The following CCDC92B variants were observed in gnomAD, a reference collection of about 807,000 sequenced individuals.
The protein encoded by CCDC92B is coiled-coil domain containing 92B.
CCDC92B carries 2 observed loss-of-function variants against 5.6 expected under a neutral mutation model. That is an observed-to-expected ratio of 0.36 (90% CI 0.15 to 1.12). CCDC92B has a LOEUF of 1.12. Ranked by LOEUF, CCDC92B falls within the 50% of genes most tolerant of loss-of-function variation. The pLI is 0.40. For missense variants in CCDC92B, 271 were observed against 262.2 expected (o/e 1.03, Z -0.23); for synonymous variants, 115 against 122.3 (o/e 0.94, Z 0.39).
chr17:2,737,844 C>G (rs1045520035), intron 1 of CCDC92B, among the ~76,000 whole-genome samples: 1 of 151,906 alleles, frequency 6.6e-6, no homozygotes, highest in African/African-American at 2.4e-5. Flanking sequence ...GCTACATGTG[C>G]TGACCATCTG....
chr17:2,728,859 T>C (rs2070765938), intron 3 of CCDC92B, among the ~76,000 whole-genome samples: 1 of 152,198 alleles, frequency 6.6e-6, no homozygotes. Context: ...AGATGGTCTG[T>C]AACTGATCTT....
At chr17:2,741,968 A>G (rs2070932073) in intron 1 of CCDC92B, among the ~76,000 whole-genome samples, 1 of 149,032 alleles carries the variant, frequency 6.7e-6, no homozygotes, top group Non-Finnish European at 1.5e-5. Context: ...CTTGGGCGAC[A>G]GAGCAAGACT....
At chr17:2,730,360 G>A (rs528051535) in intron 3 of CCDC92B, 86 bp downstream of exon 3, 1 of 763,364 alleles carries the variant, frequency 1.3e-6, no homozygotes, top group African/African-American at 1.9e-5. Context: ...GCTGGGGACA[G>A]AGAAGGTTTG....
chr17:2,726,205 T>C (rs2070727976), intron 3 of CCDC92B, among the ~76,000 whole-genome samples: 1 of 148,616 alleles, frequency 6.7e-6, no homozygotes. Context: ...TGAGATGGAG[T>C]CTTGCTCTCT....
chr17:2,746,028 C>A (rs1391198201), intron 1 of CCDC92B, among the ~76,000 whole-genome samples: 1 of 151,980 alleles, frequency 6.6e-6, no homozygotes, highest in Non-Finnish European at 1.5e-5. Flanking sequence ...GTTGCCCAGG[C>A]TGGAGTGCAA....
In CCDC92B at chr17:2,721,799, G is replaced by C. The variant is rs1373625360; in HGVS notation, c.*2612C>G. 2.0e-5 allele frequency: 3 copies of C among 152,248 alleles called. No individual in the cohort carries two copies. Among genetic ancestry groups the C allele is most frequent in the African/African-American group, 7.2e-5 (3 of 41,430 alleles). 9.4% of individuals were successfully genotyped at this position (152,248 alleles called of 1,614,324 possible). On this transcript the variant is annotated 3_prime_UTR_variant, in exon 4 of 4. Coordinates refer to ENST00000614400, the MANE Select transcript of CCDC92B (RefSeq NM_001355573.2). ...CCAGCACCCAGAACCTTTCATCTAG[G>C]GGATCTCCAAGCACCTCACAAACAA...
chr17:2,725,891 G>C (rs1284939311), intron 3 of CCDC92B, among the ~76,000 whole-genome samples: 1 of 151,056 alleles, frequency 6.6e-6, no homozygotes, highest in East Asian at 2.0e-4. Flanking sequence ...GGAACAGCTT[G>C]TGTAAAAGTC....
At chr17:2,730,011 AC>A (rs904980971) in intron 3 of CCDC92B, among the ~76,000 whole-genome samples, 1 of 152,150 alleles carries the variant, frequency 6.6e-6, no homozygotes, top group Non-Finnish European at 1.5e-5. Context: ...CCATGTGATC[AC>A]TTGTGCCAGG....
rs11456542 is a variant in CCDC92B, at chr17:2,727,823, C to CAA, written c.178+2621_178+2622dup. On this transcript the variant is annotated intron_variant, in intron 3 of 3. Coordinates refer to ENST00000614400, the MANE Select transcript of CCDC92B (RefSeq NM_001355573.2). ...TGGGCGCCAGAGTGAGACTCCGTCT[C>CAA]AAAAAAAAAAAAAACGAAAGAGGAC... Among the ~76,000 whole-genome samples, 327 of 118,528 alleles carry CAA rather than the reference C, an allele frequency of 2.8e-3. 1 individual carries two copies. The highest frequency in any genetic ancestry group is 5.4e-3 in the African/African-American group (165 of 30,580). 77.8% of individuals were successfully genotyped at this position (118,528 alleles called of 152,430 possible). A position where few individuals can be genotyped will look rare whatever the true frequency, so the allele number is the denominator to read the frequency against.
intron 3 of CCDC92B, 48 bp from the exon 4 acceptor site, chr17:2,725,048 A>G (rs2151736259): frequency 1.0e-6 from 1 of 983,790 alleles, no homozygotes; most frequent in Non-Finnish European, 1.2e-6. Context: ...CTGGCTTGGA[A>G]CAGAACCTGC....
At chr17:2,733,255 CTT>C (rs959372693) in intron 2 of CCDC92B, among the ~76,000 whole-genome samples, 3 of 149,374 alleles carry the variant, frequency 2.0e-5, no homozygotes, top group African/African-American at 7.4e-5. Flanking sequence ...AGGGTTTCCT[CTT>C]CTCTTTTTTT....
At chr17:2,730,947 C>T (rs1247258003) in intron 2 of CCDC92B, among the ~76,000 whole-genome samples, 8 of 152,196 alleles carry the variant, frequency 5.3e-5, no homozygotes, top group East Asian at 1.9e-4. Context: ...AACTGCCTGG[C>T]GGCACTGGAG....
intron 1 of CCDC92B, among the ~76,000 whole-genome samples, chr17:2,747,137 A>G (rs750490663): frequency 1.3e-5 from 2 of 151,788 alleles, no homozygotes; most frequent in Non-Finnish European, 2.9e-5. Context: ...CAGACCCCAC[A>G]CTTCTTGTGA....
At chr17:2,727,647 A>G (rs899918437) in intron 3 of CCDC92B, among the ~76,000 whole-genome samples, 9 of 152,074 alleles carry the variant, frequency 5.9e-5, no homozygotes, top group Non-Finnish European at 8.8e-5. Flanking sequence ...AGCATGGCGA[A>G]ACCCCGTCTC....
At chr17:2,735,966 C>T (rs2070853277) in intron 1 of CCDC92B, among the ~76,000 whole-genome samples, 1 of 152,156 alleles carries the variant, frequency 6.6e-6, no homozygotes, top group South Asian at 2.1e-4. Context: ...TATCTCAGCC[C>T]AAGGGCTACA....
intron 1 of CCDC92B, among the ~76,000 whole-genome samples, chr17:2,736,068 G>A (rs16952349): frequency 0.019 from 2,948 of 152,284 alleles, 115 homozygotes; most frequent in African/African-American, 0.067. Flanking sequence ...GGCAGAGGAG[G>A]AAGATCTGGT....
At chr17:2,748,062 C>T in intron 1 of CCDC92B, 1 of 517,860 alleles carries the variant, frequency 1.9e-6, no homozygotes, top group Non-Finnish European at 3.9e-6. Flanking sequence ...CCACTGGGTG[C>T]TCGTCCTGGC....
chr17:2,740,351 G>C (rs1444185826), intron 1 of CCDC92B, among the ~76,000 whole-genome samples: 1 of 151,952 alleles, frequency 6.6e-6, no homozygotes, highest in Non-Finnish European at 1.5e-5. Flanking sequence ...TATTCTGGGT[G>C]GGCCTGACCT....
intron 3 of CCDC92B, among the ~76,000 whole-genome samples, chr17:2,728,906 A>G (rs1037312225): frequency 3.9e-5 from 6 of 152,222 alleles, no homozygotes; most frequent in African/African-American, 1.4e-4. Context: ...TAGGGTTCCT[A>G]ACATCATAGC....
Sources: allele counts gnomAD v4.1 joint callset (sites outside exome capture counted in the v4.1 genomes callset), GRCh38; gene constraint gnomAD v4.1.1; transcripts MANE v1.5; gene names NCBI Gene and HGNC (gene_info 2026-07-23, HGNC 2026-07-21).